The following FNBP1 variants were observed in gnomAD, a reference collection of about 807,000 sequenced individuals.
FNBP1 encodes formin binding protein 1.
FNBP1 carries 26 observed loss-of-function variants against 90.6 expected under a neutral mutation model. That is an observed-to-expected ratio of 0.29 (90% CI 0.21 to 0.40). The LOEUF (loss-of-function observed/expected upper bound fraction) is 0.40. FNBP1 is among the 10% of genes least tolerant of loss of function. FNBP1 has a pLI of 1.00. For synonymous variants in FNBP1, 260 were observed against 265.2 expected, an observed-to-expected ratio of 0.98 and a Z score of 0.19; for missense variants, 635 against 768.0, an observed-to-expected ratio of 0.83 and a Z score of 2.05.
At chr9:129,909,032 AG>A in intron 11 of FNBP1, 33 bp from the exon 12 acceptor site, 1 of 1,491,430 alleles carries the variant, frequency 6.7e-7, no homozygotes, top group Non-Finnish European at 9.3e-7. Flanking sequence ...GAAACCAGAA[AG>A]CCCCAGGCTT....
At chr9:129,997,415 G>A (rs577004549) in intron 1 of FNBP1, among the ~76,000 whole-genome samples, 118 of 152,176 alleles carry the variant, frequency 7.8e-4, no homozygotes, top group African/African-American at 2.7e-3. Flanking sequence ...TTGATTCTTG[G>A]TCCTCAATAA....
In FNBP1 at chr9:129,890,482, A is replaced by G; in HGVS notation, c.*57T>C. ...GGCAGGGCGCTGGAGGCCTGTGGGA[A>G]CAAGCAGACGGAGGCTCCTCCAGGA... On this transcript the variant is annotated 3_prime_UTR_variant, in exon 17 of 17. Coordinates refer to ENST00000446176, the MANE Select transcript of FNBP1 (RefSeq NM_015033.3). The surrounding 1 kb of genome is among the most constrained non-coding windows in gnomAD (Gnocchi z 5.8). 1.3e-6 allele frequency: 2 copies of G among 1,505,790 alleles called. No individual in the cohort carries two copies. Among genetic ancestry groups the G allele is most frequent in the South Asian group, 2.4e-5 (2 of 83,842 alleles). The allele number at this position is 1,505,790 out of a possible 1,614,324, so 93.3% of individuals were successfully genotyped here.
At chr9:129,925,675 C>T (rs1457739665) in intron 8 of FNBP1, among the ~76,000 whole-genome samples, 1 of 139,774 alleles carries the variant, frequency 7.2e-6, no homozygotes, top group Non-Finnish European at 1.5e-5. Flanking sequence ...CTCACCGCAA[C>T]CTCCGCCTCC....
chr9:129,973,169 G>C (rs2049759094), intron 4 of FNBP1, among the ~76,000 whole-genome samples: 2 of 152,174 alleles, frequency 1.3e-5, no homozygotes, highest in South Asian at 4.1e-4. Flanking sequence ...TGTGAACACA[G>C]AACTTATGTG....
upstream of FNBP1, among the ~76,000 whole-genome samples, chr9:130,043,600 C>G (rs1222598290): frequency 1.3e-5 from 2 of 152,224 alleles, no homozygotes; most frequent in Admixed American, 6.5e-5. Context: ...AGAGTCAGCC[C>G]GGGAGGCTCT....
At chr9:129,983,946 C>T (rs768216366) in intron 2 of FNBP1, among the ~76,000 whole-genome samples, 3 of 152,126 alleles carry the variant, frequency 2.0e-5, no homozygotes, top group African/African-American at 7.2e-5. Flanking sequence ...AAAATCTCGA[C>T]TTGTTTTTCA....
intron 12 of FNBP1, among the ~76,000 whole-genome samples, chr9:129,907,580 GGTGTGTGTGTGTGTGTGTGTGTGTGTGT>G (rs55973122): frequency 9.5e-5 from 14 of 147,108 alleles, no homozygotes; most frequent in East Asian, 2.0e-4. Flanking sequence ...TAGGAGTGAG[GGTGTGTGTGTGTGTGTGTGTGTGTGTGT>G]GTGTGTGTGT....
At chr9:129,893,612 C>CAA (rs1216398298) in intron 16 of FNBP1, among the ~76,000 whole-genome samples, 1 of 22,314 alleles carries the variant, frequency 4.5e-5, no homozygotes, top group Non-Finnish European at 8.1e-5. Flanking sequence ...GACTCTGTCT[C>CAA]AAAAAAAAAA....
At chr9:129,967,424 G>A (rs1301845284) in intron 4 of FNBP1, among the ~76,000 whole-genome samples, 6 of 152,344 alleles carry the variant, frequency 3.9e-5, no homozygotes, top group African/African-American at 1.4e-4. Flanking sequence ...GCTGAGGCAG[G>A]AGAATGGCTT....
intron 2 of FNBP1, 55 bp downstream of exon 2, chr9:129,994,788 G>GT (rs2053730791): frequency 2.5e-6 from 2 of 799,118 alleles, no homozygotes; most frequent in Non-Finnish European, 2.1e-6. Flanking sequence ...GAGAATATAC[G>GT]TTATCCTTAC....
intron 11 of FNBP1, among the ~76,000 whole-genome samples, chr9:129,911,969 A>G (rs892642068): frequency 2.0e-5 from 3 of 151,612 alleles, no homozygotes; most frequent in Non-Finnish European, 4.4e-5. Context: ...ACCAGTAAAT[A>G]TAAGTGTTTC....
chr9:129,887,775 T>A lies in FNBP1; in HGVS notation c.*2764A>T, dbSNP rs895518126. 4.4e-6 allele frequency: 1 copy of A among 228,014 alleles called. No homozygotes were observed. The highest frequency in any genetic ancestry group is 8.7e-6 in the Non-Finnish European group (1 of 114,856). 14.1% of individuals were successfully genotyped at this position (228,014 alleles called of 1,614,324 possible). Reference sequence around the variant, plus strand: ...AAGAACTTTTCAGGGCAGGTTCTTTTAAAATTAGTCATCTTACAACACAAC... The same window carrying A: ...AAGAACTTTTCAGGGCAGGTTCTTTAAAAATTAGTCATCTTACAACACAAC... On this transcript the variant is annotated 3_prime_UTR_variant, in exon 17 of 17. Coordinates refer to ENST00000446176, the MANE Select transcript of FNBP1 (RefSeq NM_015033.3).
chr9:129,949,524 C>A (rs752100398), intron 6 of FNBP1, among the ~76,000 whole-genome samples: 3 of 152,102 alleles, frequency 2.0e-5, no homozygotes, highest in African/African-American at 7.2e-5. Context: ...AATGCCAAAG[C>A]GTACCGAAGT....
rs1290689625 is a variant in FNBP1, at chr9:129,991,249, G to A, written c.140+3594C>T. 2.0e-5 allele frequency among the ~76,000 whole-genome samples: 3 copies of A among 151,058 alleles called. No individual in the cohort carries two copies. The East Asian group carries it at 5.9e-4, about 30-fold the overall frequency. ...ATGCAGCTACCCTCAGGTGAGTGGA[G>A]GAAAATCTAGGTCGTGGAAATGCAG... On this transcript the variant is annotated intron_variant, in intron 2 of 16. Coordinates refer to ENST00000446176, the MANE Select transcript of FNBP1 (RefSeq NM_015033.3).
At chr9:129,991,448 T>A (rs941016233) in intron 2 of FNBP1, among the ~76,000 whole-genome samples, 4 of 151,396 alleles carry the variant, frequency 2.6e-5, no homozygotes, top group Admixed American at 2.6e-4. Context: ...TTTTTTAAAA[T>A]TCTTTTTAGA....
chr9:129,905,809 C>T (rs1273298138), intron 12 of FNBP1, among the ~76,000 whole-genome samples: 1 of 151,658 alleles, frequency 6.6e-6, no homozygotes, highest in Non-Finnish European at 1.5e-5. Flanking sequence ...AAGTTCAATT[C>T]TATTTCATAT....
At chr9:129,993,582 C>T (rs1272133669) in intron 2 of FNBP1, among the ~76,000 whole-genome samples, 1 of 149,264 alleles carries the variant, frequency 6.7e-6, no homozygotes, top group African/African-American at 2.5e-5. Flanking sequence ...TCCCAAAGTG[C>T]TGGGATTGCA....
chr9:129,929,576 G>A lies in FNBP1; in HGVS notation c.633C>T (p.Asn211=). The A allele has an allele frequency of 6.2e-7, 1 of 1,613,720 alleles. No homozygotes were observed. Among genetic ancestry groups the A allele is most frequent in the East Asian group, 2.2e-5 (1 of 44,890 alleles). The change falls in exon 7 of 17, where the codon AAC becomes AAT. Residue 211 remains asparagine (N), a synonymous_variant. Coordinates refer to ENST00000446176, the MANE Select transcript of FNBP1 (RefSeq NM_015033.3). ...GATGTTCAGGACTTACCTGGAAGAT[G>A]TTGGGGATGTGAGTATGGTAATATT... ...QHEYYHTHIP[N]IFQKIQEMEE...
At chr9:130,014,542 G>A (rs1007474035) in intron 1 of FNBP1, among the ~76,000 whole-genome samples, 4 of 152,072 alleles carry the variant, frequency 2.6e-5, no homozygotes, top group Admixed American at 2.0e-4. Flanking sequence ...ATGAGCCACC[G>A]TGCCCAGCCT....
Sources: gnomAD v4.1 joint callset for allele counts (sites outside exome capture counted in the v4.1 genomes callset) on GRCh38, gnomAD v4.1.1 for gene constraint, Gnocchi (gnomAD v3.1) non-coding constraint, MANE v1.5 for transcripts, NCBI Gene and HGNC (gene_info 2026-07-23, HGNC 2026-07-21) for gene names.